Variants in ABR observed in about 807,000 individuals in gnomAD.
ABR encodes the protein ABR activator of RhoGEF and GTPase.
A neutral mutation model predicts 107.2 loss-of-function variants in ABR; 35 were observed. That is an observed-to-expected ratio of 0.33 (90% CI 0.25 to 0.43). The LOEUF is 0.43. Among genes scored for constraint, ABR ranks in the 20% least tolerant of loss-of-function variants. The probability of loss-of-function intolerance (pLI) is 1.00; values close to 1 mark genes in which losing one functional copy is unlikely to be tolerated. For synonymous variants in ABR, 498 were observed against 462.0 expected (o/e 1.08, Z -1.00); for missense variants, 815 against 1,115.2 (o/e 0.73, Z 3.83).
rs144416732 is a variant in ABR, at chr17:1,199,610, G to A, written c.838+29183C>T. On this transcript the variant is annotated intron_variant, in intron 1 of 22. Transcript: ENST00000574139. ...ATTACAGACGCCCGCCACCACGCCC[G>A]GCTAATTTTTGCATTTTCAGTAGAG... is the stretch of plus-strand genomic sequence containing the variant. Among the ~76,000 whole-genome samples the A allele has an allele frequency of 5.7e-4, 84 of 147,166 alleles. 4 individuals are homozygous for A. In the East Asian group the frequency reaches 0.016, roughly 28 times the overall value.
chr17:1,013,498 G>A (rs1567571010), intron 16 of ABR, among the ~76,000 whole-genome samples: 1 of 152,058 alleles, frequency 6.6e-6, no homozygotes, highest in Non-Finnish European at 1.5e-5. Flanking sequence ...CTGGCTGCCA[G>A]CCCGGGACAT....
intron 1 of ABR, among the ~76,000 whole-genome samples, chr17:1,208,883 G>A (rs1312019803): frequency 3.0e-5 from 4 of 133,844 alleles, no homozygotes; most frequent in Non-Finnish European, 6.2e-5. Flanking sequence ...GTGAGACTCC[G>A]TCTCAAAAAA....
chr17:1,007,673 T>C (rs1171503983), intron 21 of ABR, among the ~76,000 whole-genome samples: 2 of 152,194 alleles, frequency 1.3e-5, no homozygotes, highest in Non-Finnish European at 2.9e-5. Flanking sequence ...TTGAGGTAAA[T>C]ATGATTATCG....
At chr17:1,101,933 C>T (rs1031180717) in intron 2 of ABR, among the ~76,000 whole-genome samples, 10 of 152,066 alleles carry the variant, frequency 6.6e-5, no homozygotes, top group Non-Finnish European at 8.8e-5. Context: ...CGGGATTTCA[C>T]CGTGTTAGCC....
At chr17:1,163,138 A>C (rs74534418) in intron 1 of ABR, among the ~76,000 whole-genome samples, 4,920 of 152,292 alleles carry the variant, frequency 0.032, 199 homozygotes, top group East Asian at 0.18. Context: ...TCTCCTGTAA[A>C]CTGGAGATGA....
At chr17:1,020,175 C>T (rs558220541) in intron 16 of ABR, among the ~76,000 whole-genome samples, 175 of 152,266 alleles carry the variant, frequency 1.1e-3, no homozygotes, top group African/African-American at 2.0e-3. Context: ...CCTCCACCTT[C>T]GGGTTCGAGC....
chr17:1,148,770 G>C lies in ABR; in HGVS notation c.62-23403C>G, dbSNP rs1257929818. 6.6e-6 allele frequency among the ~76,000 whole-genome samples: 1 copy of C among 152,256 alleles called. No individual in the cohort carries two copies. Among genetic ancestry groups the C allele is most frequent in the East Asian group, 1.9e-4 (1 of 5,208 alleles). ...CAGATGCGGAGTCTCAGTTTAGCCA[G>C]GTGAGAGTTCCGGAGATGACGGTGC... On this transcript the variant is annotated intron_variant, in intron 1 of 22. Coordinates refer to ENST00000302538, the MANE Select transcript of ABR (RefSeq NM_021962.5). This position sits in a 1 kb window ranked among gnomAD's most constrained non-coding sequence, Gnocchi z 4.9.
At chr17:1,124,222 C>T (rs1006079475) in intron 2 of ABR, among the ~76,000 whole-genome samples, 5 of 151,000 alleles carry the variant, frequency 3.3e-5, no homozygotes, top group African/African-American at 9.7e-5. Context: ...AGGGTTCAGG[C>T]GGCCTCAGCT....
intron 1 of ABR, among the ~76,000 whole-genome samples, chr17:1,185,659 A>T (rs113106304): frequency 6.4e-4 from 84 of 131,196 alleles, no homozygotes; most frequent in African/African-American, 2.4e-3. Flanking sequence ...AGAAATAAAA[A>T]AAAAAAAAAA....
chr17:1,201,707 G>C (rs550249885), intron 1 of ABR, among the ~76,000 whole-genome samples: 1 of 151,872 alleles, frequency 6.6e-6, no homozygotes, highest in Non-Finnish European at 1.5e-5. Context: ...AGAGAGTCTC[G>C]CTCTGTTGCC....
At position 1,148,639 on chromosome 17, in the gene ABR, T is replaced by C. The variant is rs1047568861; in HGVS notation, c.62-23272A>G. Among the ~76,000 whole-genome samples the C allele has an allele frequency of 6.6e-6, 1 of 152,222 alleles. No individual in the cohort carries two copies. Among genetic ancestry groups the C allele is most frequent in the African/African-American group, 2.4e-5 (1 of 41,466 alleles). ...TAGGAGCGTGAGCCCTGTCGTGATCTGCGCGTGCGAGGGATCGCAGTTCCA... is the reference window on the plus strand; with the variant it reads ...TAGGAGCGTGAGCCCTGTCGTGATCCGCGCGTGCGAGGGATCGCAGTTCCA... On this transcript the variant is annotated intron_variant, in intron 1 of 22. Transcript: ENST00000302538. This position sits in a 1 kb window ranked among gnomAD's most constrained non-coding sequence, Gnocchi z 4.9.
chr17:1,097,898 A>G (rs202021026), intron 3 of ABR, among the ~76,000 whole-genome samples: 4 of 151,878 alleles, frequency 2.6e-5, no homozygotes, highest in Non-Finnish European at 5.9e-5. Flanking sequence ...CCTTTCTTCC[A>G]CTAACAGTTG....
chr17:1,121,345 A>T (rs931956695), intron 2 of ABR, among the ~76,000 whole-genome samples: 4 of 152,236 alleles, frequency 2.6e-5, no homozygotes, highest in African/African-American at 9.6e-5. Flanking sequence ...GGTGCAGCAG[A>T]TATTGATCAG....
At chr17:1,042,785 T>C (rs920864963) in intron 16 of ABR, among the ~76,000 whole-genome samples, 5 of 137,948 alleles carry the variant, frequency 3.6e-5, no homozygotes, top group African/African-American at 5.5e-5. Flanking sequence ...GTGGCACCTA[T>C]ATCCACAGAC....
chr17:1,110,500 T>C (rs2038609961), intron 2 of ABR, among the ~76,000 whole-genome samples: 1 of 152,192 alleles, frequency 6.6e-6, no homozygotes, highest in African/African-American at 2.4e-5. Context: ...AAATCTGGCT[T>C]ATTAACAGGA....
At chr17:1,143,450 C>T (rs554903267) in intron 1 of ABR, among the ~76,000 whole-genome samples, 1 of 98,160 alleles carries the variant, frequency 1.0e-5, no homozygotes, top group South Asian at 4.0e-4. Flanking sequence ...GGGGACAGCT[C>T]GCTCCTGGGG....
At chr17:1,123,021 G>A (rs767445832) in intron 2 of ABR, among the ~76,000 whole-genome samples, 75 of 152,322 alleles carry the variant, frequency 4.9e-4, no homozygotes, top group Admixed American at 1.4e-3. Context: ...CAGCCAAGCC[G>A]CAGAAACCTC....
intron 1 of ABR, among the ~76,000 whole-genome samples, chr17:1,153,529 G>A (rs1468775751): frequency 1.1e-4 from 14 of 122,858 alleles, no homozygotes; most frequent in South Asian, 2.7e-4. Context: ...GGGGAGGGCT[G>A]GGGACCCAGG....
rs2041099301 is a variant in ABR at position 1,157,604 on chromosome 17, CAT to C, written c.61+22061_61+22062del. 6.6e-6 allele frequency among the ~76,000 whole-genome samples: 1 copy of C among 152,174 alleles called. No individual in the cohort carries two copies. Among genetic ancestry groups the C allele is most frequent in the Non-Finnish European group, 1.5e-5 (1 of 68,022 alleles). ...GGGGCTGGTCCCTCAGGCCACAGGC[CAT>C]GAGAAGCAGCAACTACAAGGGAAGA... On this transcript the variant is annotated intron_variant, in intron 1 of 22. Transcript: ENST00000302538. This position sits in a 1 kb window ranked among gnomAD's most constrained non-coding sequence, Gnocchi z 4.7.
Sources: gnomAD v4.1 joint callset for allele counts (sites outside exome capture counted in the v4.1 genomes callset) on GRCh38, gnomAD v4.1.1 for gene constraint, Gnocchi (gnomAD v3.1) non-coding constraint, MANE v1.5 for transcripts, NCBI Gene and HGNC (gene_info 2026-07-23, HGNC 2026-07-21) for gene names.